ZNF709: variants seen among roughly 807,000 people sequenced by gnomAD.
ZNF709 encodes the protein zinc finger protein 709.
Under a neutral mutation model 10.6 loss-of-function variants are expected in ZNF709, and 15 were observed. The ratio of observed to expected loss-of-function variants is 1.41; its 90% CI spans 0.95 to 2.18. ZNF709 has a LOEUF of 2.18. Ranked by LOEUF, ZNF709 falls within the 30% of genes most tolerant of loss-of-function variation. The pLI, the probability that ZNF709 is intolerant of heterozygous loss-of-function variation, is 0.00. For missense variants in ZNF709, 589 were observed against 774.0 expected, an observed-to-expected ratio of 0.76 and a Z score of 2.84; for synonymous variants, 194 against 238.8, an observed-to-expected ratio of 0.81 and a Z score of 1.73.
rs1217958614 is a variant in ZNF709 at position 12,467,749 on chromosome 19, C to T, written c.4-899G>A. ...TGAGAGGTGGGGAGCGCCTCTGCCCCGCCGCCCCGTCTGGGATGTGAGGAG... is the reference window on the plus strand; with the variant it reads ...TGAGAGGTGGGGAGCGCCTCTGCCCTGCCGCCCCGTCTGGGATGTGAGGAG... On this transcript the variant is annotated intron_variant, in intron 1 of 3. Coordinates refer to ENST00000397732, the MANE Select transcript of ZNF709 (RefSeq NM_152601.4). Among the ~76,000 whole-genome samples, 5 of 149,452 alleles carry T rather than the reference C, an allele frequency of 3.3e-5. No individual in the cohort carries two copies. The South Asian group carries it at 6.4e-4, about 19-fold the overall frequency.
intron 1 of ZNF709, among the ~76,000 whole-genome samples, chr19:12,469,850 G>C (rs1265531255): frequency 3.3e-5 from 5 of 152,072 alleles, no homozygotes; most frequent in African/African-American, 1.2e-4. Flanking sequence ...ACATAGGATG[G>C]AGATGATAAG....
chr19:12,467,967 C>A (rs528278250), intron 1 of ZNF709, among the ~76,000 whole-genome samples: 1 of 151,756 alleles, frequency 6.6e-6, no homozygotes, highest in African/African-American at 2.4e-5. Flanking sequence ...CCGCCCCGTC[C>A]GGGAGGGAGG....
intron 3 of ZNF709, 34 bp from the exon 4 acceptor site, chr19:12,465,767 A>C: frequency 7.1e-7 from 1 of 1,399,168 alleles, no homozygotes; most frequent in Non-Finnish European, 9.4e-7. Context: ...ACGCACAATT[A>C]GTGGCTTTTT....
At chr19:12,469,664 G>A (rs962551310) in intron 1 of ZNF709, among the ~76,000 whole-genome samples, 2 of 152,056 alleles carry the variant, frequency 1.3e-5, no homozygotes, top group African/African-American at 4.8e-5. Flanking sequence ...AGCTACTCAG[G>A]AGGCTGAGGC....
chr19:12,484,142 G>A (rs1161148418), intron 1 of ZNF709, among the ~76,000 whole-genome samples: 1 of 152,222 alleles, frequency 6.6e-6, no homozygotes, highest in African/African-American at 2.4e-5. Context: ...GCATTTGAAA[G>A]AGATCTAGAA....
intron 1 of ZNF709, among the ~76,000 whole-genome samples, chr19:12,467,950 C>T (rs1202536044): frequency 1.3e-5 from 2 of 151,862 alleles, no homozygotes; most frequent in South Asian, 2.1e-4. Flanking sequence ...AGCCCCCGCA[C>T]GGCCAGCCGC....
At chr19:12,470,210 T>C (rs565651997) in intron 1 of ZNF709, among the ~76,000 whole-genome samples, 1 of 152,122 alleles carries the variant, frequency 6.6e-6, no homozygotes, top group Admixed American at 6.5e-5. Context: ...TTCCCCTAAA[T>C]CTTGGCCTTT....
rs1235873465 is a variant in ZNF709, at chr19:12,467,901, C to T, written c.4-1051G>A. On this transcript the variant is annotated intron_variant, in intron 1 of 3. Coordinates refer to ENST00000397732, the MANE Select transcript of ZNF709 (RefSeq NM_152601.4). ...CTGTCTGGGAAGTGAGGAGCATCTC[C>T]GCCCGGCAGCCACCCCATCCGGGAG... Among the ~76,000 whole-genome samples, 5 of 150,844 alleles carry T rather than the reference C, an allele frequency of 3.3e-5. No homozygotes were observed. The East Asian group carries it at 9.9e-4, about 30-fold the overall frequency.
chr19:12,470,845 T>G (rs1439258867), intron 1 of ZNF709, among the ~76,000 whole-genome samples: 4 of 149,950 alleles, frequency 2.7e-5, no homozygotes, highest in Admixed American at 6.7e-5. Context: ...GAGAATGGCG[T>G]GAACCCGGGA....
chr19:12,466,655 G>C, intron 2 of ZNF709, 69 bp downstream of exon 2: 1 of 1,611,876 alleles, frequency 6.2e-7, no homozygotes, highest in South Asian at 1.1e-5. Flanking sequence ...CTAAACCTTG[G>C]AACCTTGCTG....
Position 12,464,301 on chromosome 19 carries a change from AC to A in ZNF709, c.1620del (p.Phe541LeufsTer45), listed in dbSNP as rs1970544772. ...KPYECKQCGK[A>X]FSCSSSIRIH... is the part of the protein sequence containing the mutation. The stretch of plus-strand genomic sequence containing the variant: ...ATTCGAATGGAACTGGAACAACTAA[AC>A]GCCTTACCACACTGTTTACATTCAT... On this transcript the variant is annotated frameshift_variant, in exon 4 of 4. Coordinates refer to ENST00000397732, the MANE Select transcript of ZNF709 (RefSeq NM_152601.4). LOFTEE classifies it low-confidence loss of function (END_TRUNC). 1.2e-6 allele frequency: 2 copies of A among 1,606,228 alleles called. No individual in the cohort carries two copies. Among genetic ancestry groups the A allele is most frequent in the Non-Finnish European group, 1.7e-6 (2 of 1,176,586 alleles).
rs747244733 is a variant in ZNF709 at position 12,466,485 on chromosome 19, G to A, written c.165C>T (p.His55=). 7.7e-5 allele frequency: 124 copies of A among 1,613,654 alleles called. 3 individuals are homozygous for A. The South Asian group carries it at 9.9e-4, about 13-fold the overall frequency. The change falls in exon 3 of 4, where the codon CAC becomes CAT. Residue 55 remains histidine, a synonymous_variant. Transcript: ENST00000397732. ...ENWEEKNIED[H]KNQGRKLRSH... is the part of the protein sequence containing the mutation. Reference sequence around the variant, plus strand: ...ACCTTAGCTTTCTCCCCTGATTTTTGTGATCTTCAATGTTCTTCTCCTCCC... The same window carrying A: ...ACCTTAGCTTTCTCCCCTGATTTTTATGATCTTCAATGTTCTTCTCCTCCC...
Position 12,466,495 on chromosome 19 carries a change from A to G in ZNF709, c.155T>C (p.Ile52Thr). 2 of 1,614,042 alleles carry G rather than the reference A, an allele frequency of 1.2e-6. No individual in the cohort carries two copies. The highest frequency in any genetic ancestry group is 1.7e-6 in the Non-Finnish European group (2 of 1,179,998). Residue 52 changes from isoleucine to threonine, a missense_variant, in exon 3 of 4, where the codon ATT (isoleucine) becomes ACT (threonine). Ile to Thr is a moderately conservative substitution (Grantham distance 89). Transcript: ENST00000397732. ...SIGENWEEKN[I>T]EDHKNQGRKL... ...TCTCCCCTGATTTTTGTGATCTTCA[A>G]TGTTCTTCTCCTCCCAGTTTTCCCC... is the stretch of plus-strand genomic sequence containing the variant.
In ZNF709 at chr19:12,463,841, C is replaced by T. The variant is rs748403906; in HGVS notation, c.*155G>A. ...ACTCAGGAAGCTGAGGCAGGAGAAT[C>T]GCTTGAACCCAGGAGACAGAGGTTG... is the stretch of plus-strand genomic sequence containing the variant. On this transcript the variant is annotated 3_prime_UTR_variant, in exon 4 of 4. Coordinates refer to ENST00000397732, the MANE Select transcript of ZNF709 (RefSeq NM_152601.4). 37 of 518,476 alleles carry T rather than the reference C, an allele frequency of 7.1e-5. No individual in the cohort carries two copies. The East Asian group carries it at 8.7e-4, about 12-fold the overall frequency. 32.1% of individuals were successfully genotyped at this position (518,476 alleles called of 1,614,324 possible). A position where few individuals can be genotyped will look rare whatever the true frequency, so the allele number is the denominator to read the frequency against.
rs149798728 is a variant in ZNF709, at chr19:12,463,866, G to T, written c.*130C>A. 5.3e-5 allele frequency: 36 copies of T among 680,272 alleles called. No homozygotes were observed. In the African/African-American group the frequency reaches 6.3e-4, roughly 12 times the overall value. The allele number at this position is 680,272 out of a possible 1,614,324, so 42.1% of individuals were successfully genotyped here. ...CGCTTGAACCCAGGAGACAGAGGTTGCAGTGAGCTGAGATCACTCTACTGC... is the reference window on the plus strand; with the variant it reads ...CGCTTGAACCCAGGAGACAGAGGTTTCAGTGAGCTGAGATCACTCTACTGC... On this transcript the variant is annotated 3_prime_UTR_variant, in exon 4 of 4. Coordinates refer to ENST00000397732, the MANE Select transcript of ZNF709 (RefSeq NM_152601.4).
chr19:12,466,574 A>G (rs1970572992), intron 2 of ZNF709, 55 bp from the exon 3 acceptor site: 2 of 1,607,532 alleles, frequency 1.2e-6, no homozygotes, highest in Admixed American at 3.3e-5. Context: ...CAGAAAAATT[A>G]TTAGATTCTA....
At chr19:12,467,527 A>G in intron 1 of ZNF709, among the ~76,000 whole-genome samples, 1 of 152,128 alleles carries the variant, frequency 6.6e-6, no homozygotes, top group Non-Finnish European at 1.5e-5. Flanking sequence ...TTGGCCTCCC[A>G]AAGTGCCGAG....
At chr19:12,466,588 C>G in intron 2 of ZNF709, 69 bp from the exon 3 acceptor site, 3 of 1,604,872 alleles carry the variant, frequency 1.9e-6, no homozygotes, top group Non-Finnish European at 2.6e-6. Flanking sequence ...GATTCTAAAT[C>G]TAGGATGAGC....
intron 1 of ZNF709, among the ~76,000 whole-genome samples, chr19:12,482,709 C>A (rs375403955): frequency 1.3e-5 from 2 of 152,198 alleles, no homozygotes; most frequent in Non-Finnish European, 2.9e-5. Context: ...AATCCCCCAA[C>A]GTGCATTCAG....
Sources: allele counts gnomAD v4.1 joint callset (sites outside exome capture counted in the v4.1 genomes callset), GRCh38; gene constraint gnomAD v4.1.1; transcripts MANE v1.5; gene names NCBI Gene and HGNC (gene_info 2026-07-23, HGNC 2026-07-21).